Variants in LNX1 observed in about 807,000 individuals in gnomAD.
LNX1 encodes ligand of numb-protein X 1, also known as E3 ubiquitin-protein ligase LNX.
In LNX1, 54 loss-of-function variants were observed where a neutral mutation model predicts 68.4. That is an observed-to-expected ratio of 0.79 (90% CI 0.63 to 0.99). The LOEUF (loss-of-function observed/expected upper bound fraction) is 0.99, where lower values mean the gene tolerates loss of function less well. Among genes scored for constraint, LNX1 ranks in the 50% least tolerant of loss-of-function variants. The probability of loss-of-function intolerance (pLI) is 0.00; values close to 1 mark genes in which losing one functional copy is unlikely to be tolerated. For missense variants in LNX1, 906 were observed against 926.4 expected, an observed-to-expected ratio of 0.98 and a Z score of 0.29; for synonymous variants, 336 against 350.0, an observed-to-expected ratio of 0.96 and a Z score of 0.45.
chr4:53,633,956 A>C (rs1734370784), intron 1 of LNX1, among the ~76,000 whole-genome samples: 1 of 152,204 alleles, frequency 6.6e-6, no homozygotes, highest in Admixed American at 6.5e-5. Context: ...ATGATCTGGA[A>C]AGCACCCACA....
chr4:53,496,712 G>A (rs1725091287), intron 5 of LNX1: 5 of 272,470 alleles, frequency 1.8e-5, no homozygotes, highest in Non-Finnish European at 3.4e-5. Flanking sequence ...AGGAAGAGAG[G>A]GAAGGAAGAT....
At chr4:53,582,657 G>C (rs1302503517) in intron 1 of LNX1, among the ~76,000 whole-genome samples, 1 of 151,928 alleles carries the variant, frequency 6.6e-6, no homozygotes, top group Non-Finnish European at 1.5e-5. Context: ...CTCTATATCA[G>C]ATTATTTCTG....
chr4:53,627,827 A>G (rs769654689), intron 1 of LNX1, among the ~76,000 whole-genome samples: 1 of 151,958 alleles, frequency 6.6e-6, no homozygotes, highest in Non-Finnish European at 1.5e-5. Context: ...TAGAGCAGAA[A>G]CCCTCCTCAT....
chr4:53,515,872 A>C (rs1447933025), intron 2 of LNX1, among the ~76,000 whole-genome samples: 1 of 152,202 alleles, frequency 6.6e-6, no homozygotes, highest in Non-Finnish European at 1.5e-5. Context: ...TGGCTCTGCA[A>C]CTTTGGACAA....
chr4:53,524,748 T>A (rs1727490758), intron 2 of LNX1, among the ~76,000 whole-genome samples: 1 of 152,184 alleles, frequency 6.6e-6, no homozygotes, highest in Non-Finnish European at 1.5e-5. Context: ...TGCACAAAGA[T>A]GCCCAGCTGA....
At chr4:53,593,746 C>A (rs1389907776), upstream of LNX1, 2 of 151,892 alleles carry the variant, frequency 1.3e-5, no homozygotes, top group Non-Finnish European at 2.9e-5. Flanking sequence ...AAAATGTAAT[C>A]ATAAAAATGA....
intron 2 of LNX1, among the ~76,000 whole-genome samples, chr4:53,571,644 C>CAA (rs1731178963): frequency 6.6e-6 from 1 of 152,088 alleles, no homozygotes; most frequent in African/African-American, 2.4e-5. Flanking sequence ...CTCTGACCCT[C>CAA]AAAACTGTAT....
At chr4:53,518,898 A>G (rs918113859) in intron 2 of LNX1, among the ~76,000 whole-genome samples, 1 of 152,262 alleles carries the variant, frequency 6.6e-6, no homozygotes, top group African/African-American at 2.4e-5. Context: ...GCTACTGAGT[A>G]ACTGCCATGA....
chr4:53,507,498 G>T, intron 3 of LNX1, 29 bp from the exon 4 acceptor site: 1 of 1,607,050 alleles, frequency 6.2e-7, no homozygotes, highest in Non-Finnish European at 8.5e-7. Flanking sequence ...AGGAACAGTA[G>T]TTATGATTTA....
intron 4 of LNX1, among the ~76,000 whole-genome samples, chr4:53,506,891 CT>C (rs776169392): frequency 3.1e-5 from 3 of 98,090 alleles, no homozygotes; most frequent in East Asian, 5.2e-4. Flanking sequence ...ATAATAGTAG[CT>C]ACCTCATAGG....
At chr4:53,551,652 C>T (rs956143982) in intron 2 of LNX1, among the ~76,000 whole-genome samples, 1 of 152,112 alleles carries the variant, frequency 6.6e-6, no homozygotes, top group Admixed American at 6.6e-5. Flanking sequence ...GAGATGCAAC[C>T]CCCCTGGAAG....
At chr4:53,604,836 C>T (rs1733162289) in intron 2 of LNX1, among the ~76,000 whole-genome samples, 1 of 152,124 alleles carries the variant, frequency 6.6e-6, no homozygotes, top group South Asian at 2.1e-4. Context: ...CCACCTTTCT[C>T]AAGAAAAGAG....
rs1038345499 is a variant in LNX1 at position 53,553,091 on chromosome 4, A to G, written c.380+20532T>C. On this transcript the variant is annotated intron_variant, in intron 2 of 10. Transcript: ENST00000263925. ...AATTCATTCAATTTGGTTTAACTTA[A>G]TTCTGCCCTGACCTGTGCAGAAGCT... is the stretch of plus-strand genomic sequence containing the variant. Among the ~76,000 whole-genome samples the G allele has an allele frequency of 4.6e-5, 7 of 152,260 alleles. No homozygotes were observed. In the East Asian group the frequency reaches 1.4e-3, roughly 29 times the overall value.
intron 2 of LNX1, among the ~76,000 whole-genome samples, chr4:53,516,542 T>C (rs1374700257): frequency 6.6e-6 from 1 of 152,130 alleles, no homozygotes; most frequent in East Asian, 1.9e-4. Context: ...AAATCTGAGC[T>C]GAGTCTAGAA....
chr4:53,601,036 C>T (rs1732984682), intron 2 of LNX1, among the ~76,000 whole-genome samples: 1 of 144,836 alleles, frequency 6.9e-6, no homozygotes, highest in Non-Finnish European at 1.5e-5. Flanking sequence ...CAAGATGGCA[C>T]CACTGCACTC....
At chr4:53,519,192 A>G (rs1013867885) in intron 2 of LNX1, among the ~76,000 whole-genome samples, 2 of 152,236 alleles carry the variant, frequency 1.3e-5, no homozygotes, top group Non-Finnish European at 2.9e-5. Flanking sequence ...GCAGAGGCCT[A>G]AAAGGATCTT....
intron 4 of LNX1, among the ~76,000 whole-genome samples, chr4:53,504,824 GAAGTA>G (rs1172885240): frequency 9.2e-5 from 14 of 152,194 alleles, no homozygotes; most frequent in African/African-American, 3.4e-4. Flanking sequence ...AATGGCCAGT[GAAGTA>G]GTCAGAACAC....
chr4:53,474,113 C>T (rs1476655136), intron 9 of LNX1, among the ~76,000 whole-genome samples: 1 of 152,162 alleles, frequency 6.6e-6, no homozygotes, highest in African/African-American at 2.4e-5. Flanking sequence ...CAACCTGGCG[C>T]ATGGCTGTTT....
At chr4:53,544,554 GCTAT>G (rs34644181) in intron 2 of LNX1, among the ~76,000 whole-genome samples, 3,878 of 152,298 alleles carry the variant, frequency 0.025, 68 homozygotes, top group East Asian at 0.063. Flanking sequence ...AGGTTGAGCT[GCTAT>G]CTGAGTAGAA....
Sources: allele counts gnomAD v4.1 joint callset (sites outside exome capture counted in the v4.1 genomes callset), GRCh38; gene constraint gnomAD v4.1.1; transcripts MANE v1.5; gene names NCBI Gene and HGNC (gene_info 2026-07-23, HGNC 2026-07-21).